BMPR1B: variants seen among roughly 807,000 people sequenced by gnomAD.
The protein encoded by BMPR1B is bone morphogenetic protein receptor type 1B, also known as bone morphogenetic protein receptor type-1B.
A neutral mutation model predicts 59.1 loss-of-function variants in BMPR1B; 12 were observed. That is an observed-to-expected ratio of 0.20 (90% CI 0.13 to 0.33). BMPR1B has a LOEUF of 0.33. Among genes scored for constraint, BMPR1B ranks in the 10% least tolerant of loss-of-function variants. The pLI is 1.00. For missense variants in BMPR1B, 550 were observed against 610.9 expected, an observed-to-expected ratio of 0.90 and a Z score of 1.05; for synonymous variants, 237 against 207.3, an observed-to-expected ratio of 1.14 and a Z score of -1.23.
chr4:94,835,919 C>T (rs1455420436), intron 1 of BMPR1B, among the ~76,000 whole-genome samples: 1 of 135,328 alleles, frequency 7.4e-6, no homozygotes, highest in Non-Finnish European at 1.6e-5. Flanking sequence ...CTCCCCCCAC[C>T]CCACAACAGT....
intron 2 of BMPR1B, among the ~76,000 whole-genome samples, chr4:94,943,910 T>C (rs1349243986): frequency 6.6e-6 from 1 of 152,218 alleles, no homozygotes; most frequent in Non-Finnish European, 1.5e-5. Flanking sequence ...GTTGCATATG[T>C]ATATATAGGT....
chr4:95,116,421 G>GCGCGCACACACACACACACACACA lies in BMPR1B; in HGVS notation c.349+635_349+636insGCGCACACACACACACACACACAC. On this transcript the variant is annotated intron_variant, in intron 6 of 12. Coordinates refer to ENST00000515059, the MANE Select transcript of BMPR1B (RefSeq NM_001203.3). ...CTCCTCCTCCATGCTTTCAGCGCGC[G>GCGCGCACACACACACACACACACA]CACACACACACACACACACACACAC... Among the ~76,000 whole-genome samples the GCGCGCACACACACACACACACACA allele has an allele frequency of 2.1e-3, 258 of 123,228 alleles. 4 individuals carry two copies. The highest frequency in any genetic ancestry group is 8.8e-3 in the African/African-American group (246 of 27,836). 80.8% of individuals were successfully genotyped at this position (123,228 alleles called of 152,430 possible).
At chr4:95,088,799 A>T (rs1729775298) in intron 3 of BMPR1B, among the ~76,000 whole-genome samples, 1 of 152,136 alleles carries the variant, frequency 6.6e-6, no homozygotes, top group Non-Finnish European at 1.5e-5. Flanking sequence ...AGAAGAAAAA[A>T]AAAAGCTATG....
chr4:94,918,107 G>A (rs1417670528), intron 2 of BMPR1B, among the ~76,000 whole-genome samples: 1 of 152,124 alleles, frequency 6.6e-6, no homozygotes, highest in Non-Finnish European at 1.5e-5. Context: ...ACAGCTGGCA[G>A]AACTATGAGC....
At chr4:94,837,770 C>T (rs1724882874) in intron 1 of BMPR1B, among the ~76,000 whole-genome samples, 1 of 142,658 alleles carries the variant, frequency 7.0e-6, no homozygotes, top group Non-Finnish European at 1.5e-5. Flanking sequence ...TGCCTAATTG[C>T]CCTGGCCAGA....
chr4:94,857,029 A>G (rs1452246139), intron 1 of BMPR1B, among the ~76,000 whole-genome samples: 1 of 152,216 alleles, frequency 6.6e-6, no homozygotes, highest in East Asian at 1.9e-4. Context: ...GCAAGAAAGA[A>G]TTCATGATTT....
intron 1 of BMPR1B, among the ~76,000 whole-genome samples, chr4:94,841,487 G>T (rs982674398): frequency 6.6e-6 from 1 of 152,184 alleles, no homozygotes. Context: ...TAAGCCGGTC[G>T]GAAAAGCGCA....
At position 95,104,447 on chromosome 4, in the gene BMPR1B, A is replaced by G; in HGVS notation, c.23A>G (p.Lys8Arg). Residue 8 changes from lysine to arginine, a missense_variant, in exon 4 of 13, where the codon AAA becomes AGA. Lys to Arg is a conservative substitution (Grantham distance 26). This residue lies in a region of BMPR1B where 43 missense variants were observed against 35.4 expected (regional missense o/e 1.22). Transcript: ENST00000515059. MLLRSAG[K>R]LNVGTKKEDG... Reference sequence around the variant, plus strand: ...AACATGCTTTTGCGAAGTGCAGGAAAATTAAATGTGGGCACCAAGAAAGAG... The same window carrying G: ...AACATGCTTTTGCGAAGTGCAGGAAGATTAAATGTGGGCACCAAGAAAGAG... 1.2e-6 allele frequency: 2 copies of G among 1,613,368 alleles called. No individual in the cohort carries two copies. Among genetic ancestry groups the G allele is most frequent in the Non-Finnish European group, 8.5e-7 (1 of 1,179,582 alleles).
At chr4:95,118,060 G>A (rs150565110) in intron 6 of BMPR1B, among the ~76,000 whole-genome samples, 35 of 152,200 alleles carry the variant, frequency 2.3e-4, no homozygotes, top group African/African-American at 7.5e-4. Context: ...GCTTTGGTGG[G>A]GTTTAGTAGC....
intron 3 of BMPR1B, among the ~76,000 whole-genome samples, chr4:95,048,783 T>G (rs1461222465): frequency 6.6e-6 from 1 of 152,202 alleles, no homozygotes; most frequent in African/African-American, 2.4e-5. Flanking sequence ...GGTTAAATCA[T>G]AGGCAAATCT....
intron 6 of BMPR1B, among the ~76,000 whole-genome samples, chr4:95,123,041 C>G (rs1316000863): frequency 6.6e-6 from 1 of 151,958 alleles, no homozygotes; most frequent in African/African-American, 2.4e-5. Context: ...AAATAAAGTA[C>G]TTTGAATGGA....
chr4:94,792,338 A>G (rs756456115), intron 1 of BMPR1B, among the ~76,000 whole-genome samples: 5 of 152,102 alleles, frequency 3.3e-5, no homozygotes, highest in South Asian at 2.1e-4. Context: ...GATTTCTTCA[A>G]TCTGTTTTTG....
At chr4:95,079,342 G>T (rs1212102693) in intron 3 of BMPR1B, among the ~76,000 whole-genome samples, 1 of 152,148 alleles carries the variant, frequency 6.6e-6, no homozygotes, top group Non-Finnish European at 1.5e-5. Context: ...TGCGTGCCAG[G>T]TGCCTGACAT....
At chr4:94,762,410 G>T (rs892647046) in intron 1 of BMPR1B, among the ~76,000 whole-genome samples, 11 of 152,144 alleles carry the variant, frequency 7.2e-5, no homozygotes, top group African/African-American at 2.2e-4. Context: ...GTCAAGGAAG[G>T]CCTCTGTAAG....
chr4:94,999,495 G>A (rs1722292019), intron 3 of BMPR1B, among the ~76,000 whole-genome samples: 1 of 151,744 alleles, frequency 6.6e-6, no homozygotes, highest in African/African-American at 2.4e-5. Flanking sequence ...GTTTATTTGG[G>A]TAACAAGAGT....
intron 10 of BMPR1B, among the ~76,000 whole-genome samples, chr4:95,145,687 A>T (rs1270190684): frequency 6.6e-6 from 1 of 152,232 alleles, no homozygotes; most frequent in African/African-American, 2.4e-5. Flanking sequence ...ACTTTCAATT[A>T]TAGAAACATG....
chr4:94,886,161 A>G (rs917240014), intron 2 of BMPR1B, among the ~76,000 whole-genome samples: 4 of 152,212 alleles, frequency 2.6e-5, no homozygotes, highest in African/African-American at 9.6e-5. Context: ...TATATCAGCC[A>G]AATAATAATC....
In BMPR1B at chr4:95,154,924, A is replaced by G. The variant is rs1735309704; in HGVS notation, c.*251A>G. Reference sequence around the variant, plus strand: ...GGGTAACTTGTTCAAGATATGATGCATGTTGCTTTCTAAGAAAGCCCTGTA... The same window carrying G: ...GGGTAACTTGTTCAAGATATGATGCGTGTTGCTTTCTAAGAAAGCCCTGTA... On this transcript the variant is annotated 3_prime_UTR_variant, in exon 13 of 13. Coordinates refer to ENST00000515059, the MANE Select transcript of BMPR1B (RefSeq NM_001203.3). 6.4e-6 allele frequency: 3 copies of G among 470,464 alleles called. No individual in the cohort carries two copies. The highest frequency in any genetic ancestry group is 7.7e-6 in the Non-Finnish European group (2 of 261,018). The allele number at this position is 470,464 out of a possible 1,614,324, so 29.1% of individuals were successfully genotyped here.
intron 3 of BMPR1B, among the ~76,000 whole-genome samples, chr4:95,050,305 G>GA (rs1726402460): frequency 6.6e-6 from 1 of 152,158 alleles, no homozygotes; most frequent in African/African-American, 2.4e-5. Context: ...TGACGAGTAA[G>GA]ATGCATGGCT....
Sources: allele counts gnomAD v4.1 joint callset (sites outside exome capture counted in the v4.1 genomes callset), GRCh38; gene constraint gnomAD v4.1.1; regional missense constraint gnomAD v4.1.1; transcripts MANE v1.5; gene names NCBI Gene and HGNC (gene_info 2026-07-23, HGNC 2026-07-21).